Variants in COL24A1 observed in about 807,000 individuals in gnomAD.
The protein encoded by COL24A1 is collagen type XXIV alpha 1 chain.
Under a neutral mutation model 253.9 loss-of-function variants are expected in COL24A1, and 224 were observed. The ratio of observed to expected loss-of-function variants is 0.88; its 90% CI spans 0.79 to 0.99. COL24A1 has a LOEUF of 0.99. Ranked by LOEUF, COL24A1 falls within the 50% of genes least tolerant of loss-of-function variation. The pLI is 0.00. For missense variants in COL24A1, 2,131 were observed against 2,068.5 expected (o/e 1.03, Z -0.59); for synonymous variants, 685 against 673.7 (o/e 1.02, Z -0.26).
At chr1:85,816,001 A>G (rs534246871) in intron 47 of COL24A1, among the ~76,000 whole-genome samples, 1 of 152,280 alleles carries the variant, frequency 6.6e-6, no homozygotes, top group East Asian at 1.9e-4. Context: ...CTTTTTTCCC[A>G]TAACTATCAC....
At chr1:85,806,609 C>T (rs1671997491) in intron 47 of COL24A1, among the ~76,000 whole-genome samples, 2 of 152,208 alleles carry the variant, frequency 1.3e-5, no homozygotes, top group Non-Finnish European at 2.9e-5. Flanking sequence ...TTTCTACTTT[C>T]TACCACTAAA....
Position 85,774,615 on chromosome 1 carries a change from C to A in COL24A1, c.4374+1059G>T, listed in dbSNP as rs542282594. On this transcript the variant is annotated intron_variant, in intron 53 of 59. Coordinates refer to ENST00000370571, the MANE Select transcript of COL24A1 (RefSeq NM_152890.7). ...TTAGTCTTGAGAGGGTGTATGTGTC[C>A]AGGAATTTATCCATTTCTTTTAGAT... is the stretch of plus-strand genomic sequence containing the variant. Among the ~76,000 whole-genome samples the A allele has an allele frequency of 5.1e-4, 77 of 152,126 alleles. 1 individual carries two copies. Among genetic ancestry groups the A allele is most frequent in the African/African-American group, 1.8e-3 (76 of 41,508 alleles).
At chr1:86,078,716 G>A (rs1254397355) in intron 7 of COL24A1, among the ~76,000 whole-genome samples, 3 of 151,986 alleles carry the variant, frequency 2.0e-5, no homozygotes, top group Non-Finnish European at 4.4e-5. Context: ...ATTTACAATA[G>A]CCACACATAA....
intron 5 of COL24A1, among the ~76,000 whole-genome samples, chr1:86,099,731 T>C (rs1704280333): frequency 6.6e-6 from 1 of 152,116 alleles, no homozygotes; most frequent in Admixed American, 6.5e-5. Context: ...ATCCATGCCA[T>C]CATCACAAAT....
chr1:85,823,286 G>C (rs1314698467), intron 45 of COL24A1, among the ~76,000 whole-genome samples: 1 of 151,842 alleles, frequency 6.6e-6, no homozygotes, highest in Non-Finnish European at 1.5e-5. Context: ...GACAACTGAG[G>C]CAATTTTCAC....
intron 31 of COL24A1, among the ~76,000 whole-genome samples, chr1:85,894,651 AACACC>A (rs1293935261): frequency 2.0e-5 from 3 of 152,196 alleles, no homozygotes; most frequent in Non-Finnish European, 2.9e-5. Flanking sequence ...AATCTATACA[AACACC>A]ATTTATATCA....
At chr1:86,052,573 A>C (rs566633735) in intron 10 of COL24A1, among the ~76,000 whole-genome samples, 49 of 152,116 alleles carry the variant, frequency 3.2e-4, no homozygotes, top group Admixed American at 1.2e-3. Context: ...GTTGCCAGGG[A>C]CTGGGAGTGG....
intron 1 of COL24A1, among the ~76,000 whole-genome samples, chr1:86,152,929 G>A (rs568878330): frequency 1.3e-5 from 2 of 152,240 alleles, no homozygotes; most frequent in East Asian, 3.9e-4. Flanking sequence ...ATCAAGAAAA[G>A]TCAAGTCTCC....
intron 32 of COL24A1, among the ~76,000 whole-genome samples, chr1:85,884,138 T>C (rs1452115764): frequency 6.6e-6 from 1 of 152,164 alleles, no homozygotes; most frequent in Non-Finnish European, 1.5e-5. Context: ...ACTTTATTTC[T>C]CTTTCACTTT....
chr1:85,779,417 A>T (rs1394434138), intron 52 of COL24A1, among the ~76,000 whole-genome samples: 1 of 151,804 alleles, frequency 6.6e-6, no homozygotes, highest in Non-Finnish European at 1.5e-5. Flanking sequence ...TTATATCTGG[A>T]TGTAGTTCTT....
chr1:85,808,285 T>C (rs1672186686), intron 47 of COL24A1, among the ~76,000 whole-genome samples: 1 of 152,242 alleles, frequency 6.6e-6, no homozygotes, highest in African/African-American at 2.4e-5. Flanking sequence ...CTCATGTGTT[T>C]GGCTAGAGCA....
At chr1:85,956,964 C>T (rs889663822) in intron 24 of COL24A1, among the ~76,000 whole-genome samples, 1 of 152,120 alleles carries the variant, frequency 6.6e-6, no homozygotes, top group African/African-American at 2.4e-5. Flanking sequence ...TTAGAACCAA[C>T]CCAAATGCCC....
chr1:86,066,514 G>A (rs551274333), intron 7 of COL24A1, among the ~76,000 whole-genome samples: 43 of 151,972 alleles, frequency 2.8e-4, no homozygotes, highest in African/African-American at 9.9e-4. Context: ...AAAGTGCTGG[G>A]ATTACAGGCG....
chr1:85,838,028 C>G (rs1368922443), intron 43 of COL24A1, among the ~76,000 whole-genome samples: 2 of 152,022 alleles, frequency 1.3e-5, no homozygotes, highest in Non-Finnish European at 2.9e-5. Context: ...TAATGTCCCT[C>G]TCAGGAATGG....
chr1:86,075,190 T>TA (rs1414597775), intron 7 of COL24A1, among the ~76,000 whole-genome samples: 2 of 151,536 alleles, frequency 1.3e-5, no homozygotes, highest in Admixed American at 6.6e-5. Flanking sequence ...ATAGACACAA[T>TA]AAAAAATGGT....
intron 8 of COL24A1, among the ~76,000 whole-genome samples, chr1:86,061,719 A>G (rs1701106455): frequency 6.6e-6 from 1 of 152,098 alleles, no homozygotes; most frequent in Non-Finnish European, 1.5e-5. Flanking sequence ...TGAGACAACC[A>G]CAGAAACTCA....
At chr1:85,952,271 A>G (rs1690011888) in intron 24 of COL24A1, among the ~76,000 whole-genome samples, 1 of 152,192 alleles carries the variant, frequency 6.6e-6, no homozygotes, top group Non-Finnish European at 1.5e-5. Flanking sequence ...GCACATAAAG[A>G]ACAGATTTCA....
chr1:85,792,992 C>T (rs1670448978), intron 47 of COL24A1, among the ~76,000 whole-genome samples: 1 of 151,810 alleles, frequency 6.6e-6, no homozygotes, highest in Non-Finnish European at 1.5e-5. Context: ...CAGACTAAAG[C>T]CATTTCTGTG....
chr1:85,870,946 G>A (rs577825486), intron 35 of COL24A1, among the ~76,000 whole-genome samples: 10 of 152,018 alleles, frequency 6.6e-5, no homozygotes, highest in East Asian at 5.8e-4. Flanking sequence ...TTGATAGACC[G>A]CTAGCAATAC....
Sources: gnomAD v4.1 joint callset for allele counts (sites outside exome capture counted in the v4.1 genomes callset) on GRCh38, gnomAD v4.1.1 for gene constraint, MANE v1.5 for transcripts, NCBI Gene and HGNC (gene_info 2026-07-23, HGNC 2026-07-21) for gene names.